KCTD1: variants seen among roughly 807,000 people sequenced by gnomAD.
The protein encoded by KCTD1 is potassium channel tetramerization domain containing 1.
A neutral mutation model predicts 66.0 loss-of-function variants in KCTD1; 24 were observed. The observed-to-expected ratio is 0.36, with a 90% CI of 0.26 to 0.51. The LOEUF (loss-of-function observed/expected upper bound fraction) is 0.51. Among genes scored for constraint, KCTD1 ranks in the 20% least tolerant of loss-of-function variants. KCTD1 has a pLI of 0.95. For synonymous variants in KCTD1, 511 were observed against 517.2 expected (o/e 0.99, Z 0.16); for missense variants, 943 against 1,205.2 (o/e 0.78, Z 3.22).
chr18:26,573,614 G>A (rs1006614717), intron 1 of KCTD1, among the ~76,000 whole-genome samples: 1 of 152,104 alleles, frequency 6.6e-6, no homozygotes, highest in African/African-American at 2.4e-5. Flanking sequence ...AAATGCAGTC[G>A]GCTATAAGTG....
At position 26,468,699 on chromosome 18, in the gene KCTD1, G is replaced by A. The variant is rs73399517; in HGVS notation, c.2133+7816C>T. Among the ~76,000 whole-genome samples, 176 of 151,900 alleles carry A rather than the reference G, an allele frequency of 1.2e-3. No homozygotes were observed. The highest frequency in any genetic ancestry group is 4.1e-3 in the African/African-American group (171 of 41,272). ...ATATAAAAATTAGTGTGCCTGTGGCGTGGTGGCGTGTGGTGGCGTGTGCCT... is the reference window on the plus strand; with the variant it reads ...ATATAAAAATTAGTGTGCCTGTGGCATGGTGGCGTGTGGTGGCGTGTGCCT... On this transcript the variant is annotated intron_variant, in intron 3 of 4. Transcript: ENST00000580059. The surrounding 1 kb of genome is among the most constrained non-coding windows in gnomAD (Gnocchi z 4.8).
chr18:26,585,188 T>C (rs574849188), intron 1 of KCTD1, among the ~76,000 whole-genome samples: 1 of 152,306 alleles, frequency 6.6e-6, no homozygotes, highest in African/African-American at 2.4e-5. Flanking sequence ...CCAGGACCTC[T>C]ATCTGTTGGG....
At chr18:26,536,077 A>C (rs528602354) in intron 1 of KCTD1, among the ~76,000 whole-genome samples, 7 of 152,214 alleles carry the variant, frequency 4.6e-5, no homozygotes, top group African/African-American at 1.7e-4. Context: ...ATGAAATCAC[A>C]TACAGGAAAG....
At chr18:26,487,309 C>A (rs957387945) in intron 2 of KCTD1, among the ~76,000 whole-genome samples, 3 of 152,178 alleles carry the variant, frequency 2.0e-5, no homozygotes, top group African/African-American at 7.2e-5. Flanking sequence ...TGAGCTATAT[C>A]TCTTGAAAAG....
At chr18:26,617,198 C>G (rs1201412567) in intron 1 of KCTD1, among the ~76,000 whole-genome samples, 4 of 152,160 alleles carry the variant, frequency 2.6e-5, no homozygotes, top group Non-Finnish European at 5.9e-5. Flanking sequence ...CCCAAAATAA[C>G]CTTTCCAGGT....
Position 26,606,242 on chromosome 18 carries a change from G to A in KCTD1, c.-16+22905C>T, listed in dbSNP as rs1987012956. On this transcript the variant is annotated intron_variant, in intron 1 of 4. Transcript: ENST00000317932. ...GTAAATGTTTCTTAAGGCCTGTGTTGATGTTAATGCCAGTTGGCTTTTCCT... is the reference window on the plus strand; with the variant it reads ...GTAAATGTTTCTTAAGGCCTGTGTTAATGTTAATGCCAGTTGGCTTTTCCT... 2.0e-5 allele frequency among the ~76,000 whole-genome samples: 3 copies of A among 152,204 alleles called. No individual in the cohort carries two copies. In the South Asian group the frequency reaches 6.2e-4, roughly 32 times the overall value.
At chr18:26,582,657 A>G (rs1365021649) in intron 1 of KCTD1, among the ~76,000 whole-genome samples, 1 of 152,274 alleles carries the variant, frequency 6.6e-6, no homozygotes, top group African/African-American at 2.4e-5. Context: ...GTCCATCAAT[A>G]GGTGAAATAA....
chr18:26,574,482 A>G (rs1413250335), intron 1 of KCTD1, among the ~76,000 whole-genome samples: 4 of 152,222 alleles, frequency 2.6e-5, no homozygotes, highest in Admixed American at 6.5e-5. Flanking sequence ...CAAGAGCACA[A>G]GGGCTTTGAG....
chr18:26,604,073 A>G (rs1011413350), intron 1 of KCTD1, among the ~76,000 whole-genome samples: 3 of 105,720 alleles, frequency 2.8e-5, no homozygotes, highest in Non-Finnish European at 4.1e-5. Context: ...GGAAACAAAC[A>G]GACAACCCCA....
chr18:26,506,983 T>G (rs952293092), intron 1 of KCTD1, among the ~76,000 whole-genome samples: 2 of 152,216 alleles, frequency 1.3e-5, no homozygotes, highest in Non-Finnish European at 1.5e-5. Context: ...CTGGCCAACA[T>G]GGCAAAACCT....
intron 1 of KCTD1, among the ~76,000 whole-genome samples, chr18:26,511,208 T>C (rs144709640): frequency 1.4e-4 from 21 of 152,362 alleles, no homozygotes; most frequent in African/African-American, 5.0e-4. Flanking sequence ...AACTTAGGGA[T>C]AATACTTCCC....
At chr18:26,537,654 G>C (rs1984771267) in intron 1 of KCTD1, among the ~76,000 whole-genome samples, 1 of 152,194 alleles carries the variant, frequency 6.6e-6, no homozygotes, top group Admixed American at 6.5e-5. Flanking sequence ...TTGCATTAGG[G>C]AAACGTAAAC....
chr18:26,547,034 G>GTGGGAGGGA lies in KCTD1; in HGVS notation c.1494_1502dup (p.Pro499_His501dup). The GTGGGAGGGA allele has an allele frequency of 6.7e-6, 10 of 1,487,120 alleles. No individual in the cohort carries two copies. The highest frequency in any genetic ancestry group is 6.3e-6 in the Non-Finnish European group (7 of 1,115,600). The allele number at this position is 1,487,120 out of a possible 1,614,324, so 92.1% of individuals were successfully genotyped here. A position where few individuals can be genotyped will look rare whatever the true frequency, so the allele number is the denominator to read the frequency against. ...GCGAGGGCGGCTGGGGGCGGTGGTG[G>GTGGGAGGGA]TGGGAGGGATGGGTGGGGGGGTGGT... On this transcript the variant is annotated inframe_insertion, in exon 1 of 5. Transcript: ENST00000580059.
At chr18:26,617,883 A>G (rs1792865971) in intron 1 of KCTD1, among the ~76,000 whole-genome samples, 2 of 145,604 alleles carry the variant, frequency 1.4e-5, no homozygotes, top group South Asian at 2.3e-4. Flanking sequence ...GAGGGAGGGA[A>G]GGAGGGCAGG....
intron 1 of KCTD1, among the ~76,000 whole-genome samples, chr18:26,512,235 C>T (rs1983372550): frequency 6.6e-6 from 1 of 152,134 alleles, no homozygotes; most frequent in Middle Eastern, 3.4e-3. Context: ...TCCCGAGTAG[C>T]TGGGACTACA....
intron 1 of KCTD1, among the ~76,000 whole-genome samples, chr18:26,639,358 G>A (rs190109623): frequency 2.6e-5 from 4 of 152,252 alleles, no homozygotes; most frequent in Admixed American, 2.6e-4. Flanking sequence ...GCAGATGCGG[G>A]GCTCCCGAAG....
chr18:26,470,350 C>T (rs936099726), intron 3 of KCTD1, among the ~76,000 whole-genome samples: 1 of 152,218 alleles, frequency 6.6e-6, no homozygotes, highest in African/African-American at 2.4e-5. Context: ...AAGGGAAAGC[C>T]TTCTGTGGGA....
At chr18:26,621,054 T>C (rs936925657) in intron 1 of KCTD1, among the ~76,000 whole-genome samples, 14 of 151,316 alleles carry the variant, frequency 9.3e-5, no homozygotes, top group South Asian at 4.2e-4. Context: ...AGGATGGTCT[T>C]GATCTCCTGA....
At chr18:26,637,071 T>G (rs567530110) in intron 1 of KCTD1, among the ~76,000 whole-genome samples, 6 of 152,278 alleles carry the variant, frequency 3.9e-5, no homozygotes, top group Admixed American at 6.5e-5. Flanking sequence ...TCGGAGGGCT[T>G]CAGACCCCTC....
Sources: allele counts gnomAD v4.1 joint callset (sites outside exome capture counted in the v4.1 genomes callset), GRCh38; gene constraint gnomAD v4.1.1; non-coding constraint Gnocchi (gnomAD v3.1); transcripts MANE v1.5; gene names NCBI Gene and HGNC (gene_info 2026-07-23, HGNC 2026-07-21).